ZFP14: variants seen among roughly 807,000 people sequenced by gnomAD.
ZFP14 encodes ZFP14 zinc finger protein.
A neutral mutation model predicts 54.5 loss-of-function variants in ZFP14; 22 were observed. The observed-to-expected ratio is 0.40, with a 90% CI of 0.29 to 0.58. The LOEUF is 0.58. ZFP14 is among the 20% of genes least tolerant of loss of function. ZFP14 has a pLI of 0.39. For synonymous variants in ZFP14, 159 were observed against 204.0 expected, an observed-to-expected ratio of 0.78 and a Z score of 1.88; for missense variants, 470 against 637.8, an observed-to-expected ratio of 0.74 and a Z score of 2.83.
At chr19:36,366,001 A>T (rs1165046284) in intron 2 of ZFP14, among the ~76,000 whole-genome samples, 1 of 151,054 alleles carries the variant, frequency 6.6e-6, no homozygotes, top group Non-Finnish European at 1.5e-5. Flanking sequence ...ATGGTGGCTC[A>T]TGCCTGTAAT....
At chr19:36,369,025 A>G (rs1316660429) in intron 1 of ZFP14, among the ~76,000 whole-genome samples, 1 of 152,148 alleles carries the variant, frequency 6.6e-6, no homozygotes, top group Non-Finnish European at 1.5e-5. Flanking sequence ...TATTTTTAGT[A>G]GAGACGGGGT....
chr19:36,364,092 C>T (rs908125901), intron 2 of ZFP14, among the ~76,000 whole-genome samples: 15 of 152,108 alleles, frequency 9.9e-5, no homozygotes, highest in Admixed American at 8.5e-4. Context: ...CATTCTTCTC[C>T]GCAGGAGGAA....
At chr19:36,362,964 TTC>T (rs2031732261) in intron 2 of ZFP14, 4 of 170,976 alleles carry the variant, frequency 2.3e-5, no homozygotes, top group Middle Eastern at 1.3e-3. Context: ...ATATATTAGA[TTC>T]TTTTTTCTTT....
chr19:36,354,844 G>A (rs1018712701), intron 4 of ZFP14, among the ~76,000 whole-genome samples: 1 of 142,324 alleles, frequency 7.0e-6, no homozygotes, highest in Non-Finnish European at 1.6e-5. Context: ...GCTAATTTTC[G>A]TATTTTCAGT....
Position 36,341,258 on chromosome 19 carries a change from G to A in ZFP14, c.568C>T (p.His190Tyr). 1 of 1,614,156 alleles carries A rather than the reference G, an allele frequency of 6.2e-7. No individual in the cohort carries two copies. The highest frequency in any genetic ancestry group is 8.5e-7 in the Non-Finnish European group (1 of 1,180,026). The stretch of plus-strand genomic sequence containing the variant: ...TTCTCACCAGTATGAATTCTCAGGT[G>A]TTGACTAAGTGTTGAGCGACGAATA... ...TFIRRSTLSQ[H>Y]LRIHTGEKPY... is the part of the protein sequence containing the mutation. The change falls in exon 5 of 5, where the codon CAC becomes TAC. Residue 190 changes from histidine to tyrosine, a missense_variant. Coordinates refer to ENST00000270001, the MANE Select transcript of ZFP14 (RefSeq NM_020917.3). The surrounding 1 kb of genome is among the most constrained non-coding windows in gnomAD (Gnocchi z 4.2).
chr19:36,372,010 G>A (rs1444347115), intron 1 of ZFP14, among the ~76,000 whole-genome samples: 13 of 133,754 alleles, frequency 9.7e-5, no homozygotes, highest in South Asian at 2.4e-4. Flanking sequence ...GAGGGAAGGA[G>A]GGAAGGAAGG....
Position 36,340,806 on chromosome 19 carries a change from A to G in ZFP14, c.1020T>C (p.Tyr340=). ...HQKIHFGEKP[Y]ECKECGKAFR... is the part of the protein sequence containing the mutation. ...AAGCCTTTCCACACTCCTTACATTC[A>G]TAGGGTTTCTCACCAAAATGAATTT... The change falls in exon 5 of 5, where the codon TAT becomes TAC. Residue 340 remains tyrosine, a synonymous_variant. Coordinates refer to ENST00000270001, the MANE Select transcript of ZFP14 (RefSeq NM_020917.3). The surrounding 1 kb of genome is among the most constrained non-coding windows in gnomAD (Gnocchi z 5.4). The G allele has an allele frequency of 6.2e-7, 1 of 1,614,134 alleles. No individual in the cohort carries two copies. Among genetic ancestry groups the G allele is most frequent in the Non-Finnish European group, 8.5e-7 (1 of 1,180,022 alleles).
intron 2 of ZFP14, among the ~76,000 whole-genome samples, chr19:36,364,664 A>G (rs2031763718): frequency 6.6e-6 from 1 of 152,158 alleles, no homozygotes; most frequent in African/African-American, 2.4e-5. Flanking sequence ...ATCCACCTAA[A>G]AGCCTTACAT....
intron 4 of ZFP14, among the ~76,000 whole-genome samples, chr19:36,349,074 A>C (rs1194477027): frequency 1.3e-5 from 2 of 151,606 alleles, no homozygotes; most frequent in Non-Finnish European, 2.9e-5. Flanking sequence ...CTAAAAATAC[A>C]AAAAATTAGC....
rs932792788 is a variant in ZFP14 at position 36,335,319 on chromosome 19, T to C, written c.*4905A>G. The C allele has an allele frequency of 1.4e-4, 21 of 152,278 alleles. No homozygotes were observed. The highest frequency in any genetic ancestry group is 4.3e-4 in the African/African-American group (18 of 41,556). 9.4% of individuals were successfully genotyped at this position (152,278 alleles called of 1,614,324 possible). On this transcript the variant is annotated 3_prime_UTR_variant, in exon 5 of 5. Transcript: ENST00000270001. The stretch of plus-strand genomic sequence containing the variant: ...TCAAACACAGGCTTTCTGGAGGTAT[T>C]TGGTGCTTGGGAAAAGAAACACTGA...
At position 36,340,155 on chromosome 19, in the gene ZFP14, AAC is replaced by A. The variant is rs968017539; in HGVS notation, c.*67_*68del. ...TTATTATGCTTGGAATTGAGCATGA[AAC>A]ACATTTTCTCAAAAATGAATTTTCT... On this transcript the variant is annotated 3_prime_UTR_variant, in exon 5 of 5. Transcript: ENST00000270001. The surrounding 1 kb of genome is among the most constrained non-coding windows in gnomAD (Gnocchi z 5.4). 3.5e-6 allele frequency: 5 copies of A among 1,432,768 alleles called. No homozygotes were observed. In the African/African-American group the frequency reaches 7.1e-5, roughly 20 times the overall value. The allele number at this position is 1,432,768 out of a possible 1,614,324, so 88.8% of individuals were successfully genotyped here.
intron 1 of ZFP14, among the ~76,000 whole-genome samples, chr19:36,376,360 A>C (rs1434721471): frequency 6.6e-6 from 1 of 152,126 alleles, no homozygotes; most frequent in Non-Finnish European, 1.5e-5. Context: ...AGCCTGGCCA[A>C]CATAGTGAAA....
intron 1 of ZFP14, among the ~76,000 whole-genome samples, chr19:36,371,475 T>C (rs532437316): frequency 3.3e-5 from 5 of 152,198 alleles, no homozygotes; most frequent in South Asian, 2.1e-4. Flanking sequence ...AACAGCAGAA[T>C]TGACCAAGCA....
intron 4 of ZFP14, among the ~76,000 whole-genome samples, chr19:36,348,606 C>T (rs977470088): frequency 6.6e-6 from 1 of 152,168 alleles, no homozygotes; most frequent in African/African-American, 2.4e-5. Context: ...AAGCGATTCT[C>T]CTGCCTCAGC....
At chr19:36,368,015 G>T in intron 1 of ZFP14, 44 bp from the exon 2 acceptor site, 1 of 1,158,472 alleles carries the variant, frequency 8.6e-7, no homozygotes, top group Non-Finnish European at 1.2e-6. Flanking sequence ...GCGCCACAGA[G>T]CTCCCAAAAT....
At chr19:36,357,585 T>C (rs974603501) in intron 4 of ZFP14, among the ~76,000 whole-genome samples, 3 of 152,210 alleles carry the variant, frequency 2.0e-5, no homozygotes, top group African/African-American at 7.2e-5. Context: ...CTTCTCCCCA[T>C]TGGAATGCTT....
intron 2 of ZFP14, among the ~76,000 whole-genome samples, chr19:36,366,245 G>A (rs1273502259): frequency 1.3e-5 from 2 of 151,978 alleles, no homozygotes; most frequent in East Asian, 1.9e-4. Context: ...TCCAGCCTGG[G>A]CGACAGAGCG....
At chr19:36,354,432 G>A (rs1425640500) in intron 4 of ZFP14, among the ~76,000 whole-genome samples, 6 of 137,924 alleles carry the variant, frequency 4.4e-5, no homozygotes, top group Admixed American at 3.0e-4. Flanking sequence ...ACATGATCTC[G>A]CTCTTGCCTA....
rs193233356 is a variant in ZFP14 at position 36,336,322 on chromosome 19, C to T, written c.*3902G>A. On this transcript the variant is annotated 3_prime_UTR_variant, in exon 5 of 5. Coordinates refer to ENST00000270001, the MANE Select transcript of ZFP14 (RefSeq NM_020917.3). ...TGGCGCGATCTCAACTCACCACAAA[C>T]TCCGCCTCCTGGATTCAAGTGATTC... The T allele has an allele frequency of 1.4e-5, 2 of 138,610 alleles. No individual in the cohort carries two copies. The highest frequency in any genetic ancestry group is 4.6e-4 in the East Asian group (2 of 4,330). 8.6% of individuals were successfully genotyped at this position (138,610 alleles called of 1,614,324 possible).
Sources: allele counts gnomAD v4.1 joint callset (sites outside exome capture counted in the v4.1 genomes callset), GRCh38; gene constraint gnomAD v4.1.1; non-coding constraint Gnocchi (gnomAD v3.1); transcripts MANE v1.5; gene names NCBI Gene and HGNC (gene_info 2026-07-23, HGNC 2026-07-21).